HDAC9: variants seen among roughly 807,000 people sequenced by gnomAD.
HDAC9 encodes the protein histone deacetylase 9.
Under a neutral mutation model 139.4 loss-of-function variants are expected in HDAC9, and 41 were observed. That is an observed-to-expected ratio of 0.29 (90% CI 0.23 to 0.38). The LOEUF (loss-of-function observed/expected upper bound fraction) is 0.38. Among genes scored for constraint, HDAC9 ranks in the 10% least tolerant of loss-of-function variants. The pLI is 1.00. For missense variants in HDAC9, 1,147 were observed against 1,297.0 expected (o/e 0.88, Z 1.78); for synonymous variants, 517 against 476.2 (o/e 1.09, Z -1.12).
At chr7:18,880,574 T>G (rs1248657828) in intron 22 of HDAC9, among the ~76,000 whole-genome samples, 1 of 152,148 alleles carries the variant, frequency 6.6e-6, no homozygotes, top group African/African-American at 2.4e-5. Context: ...ATACTGTGTG[T>G]TCTCACTTTC....
At chr7:18,828,609 T>G (rs1795628620) in intron 17 of HDAC9, among the ~76,000 whole-genome samples, 1 of 152,188 alleles carries the variant, frequency 6.6e-6, no homozygotes, top group Non-Finnish European at 1.5e-5. Flanking sequence ...CTGGAAGAAA[T>G]ATGGGCTTTC....
intron 1 of HDAC9, among the ~76,000 whole-genome samples, chr7:18,130,702 C>T (rs1784947247): frequency 1.3e-5 from 2 of 152,054 alleles, no homozygotes; most frequent in South Asian, 4.1e-4. Flanking sequence ...GTACTTTTTC[C>T]CCATTTATCT....
At chr7:18,353,295 T>G (rs936162547) in intron 1 of HDAC9, among the ~76,000 whole-genome samples, 2 of 152,048 alleles carry the variant, frequency 1.3e-5, no homozygotes, top group African/African-American at 4.8e-5. Flanking sequence ...GCAAGCTGTT[T>G]GAGAGCTTTC....
chr7:18,668,164 C>T (rs1429122419), intron 12 of HDAC9: 4 of 853,298 alleles, frequency 4.7e-6, no homozygotes, highest in Non-Finnish European at 4.2e-6. Flanking sequence ...TTTAAAAAGT[C>T]TCCATTCAAA....
chr7:18,303,704 G>C (rs1798722945), intron 1 of HDAC9, among the ~76,000 whole-genome samples: 1 of 152,166 alleles, frequency 6.6e-6, no homozygotes, highest in South Asian at 2.1e-4. Context: ...GTTCCCATTT[G>C]AGATAGGTGT....
At chr7:18,979,976 TAGC>T (rs1206039088) in intron 25 of HDAC9, among the ~76,000 whole-genome samples, 1 of 152,190 alleles carries the variant, frequency 6.6e-6, no homozygotes, top group Non-Finnish European at 1.5e-5. Flanking sequence ...CAAACTATAT[TAGC>T]AGGCAAATTT....
intron 1 of HDAC9, among the ~76,000 whole-genome samples, chr7:18,421,577 T>C (rs766101063): frequency 3.3e-4 from 50 of 152,202 alleles, no homozygotes; most frequent in Non-Finnish European, 6.3e-4. Context: ...AGGGAACTTT[T>C]TCCCAAATGA....
rs760861605 is a variant in HDAC9 at position 18,451,401 on chromosome 7, G to GTGTGTGTGTA, written c.-41-44860_-41-44859insGTGTGTGTAT. ...TGTGTGTGTGTGTGTGTGTGTGTGT[G>GTGTGTGTGTA]TATATATGTGTGTGTGTGTGTATAT... On this transcript the variant is annotated intron_variant, in intron 1 of 3. Coordinates refer to the HDAC9 transcript ENST00000413509. 6.2e-3 allele frequency among the ~76,000 whole-genome samples: 833 copies of GTGTGTGTGTA among 135,236 alleles called. 12 individuals carry two copies. Among genetic ancestry groups the GTGTGTGTGTA allele is most frequent in the Middle Eastern group, 0.015 (4 of 264 alleles). 88.7% of individuals were successfully genotyped at this position (135,236 alleles called of 152,430 possible).
intron 12 of HDAC9, among the ~76,000 whole-genome samples, chr7:18,671,798 T>G (rs1402130425): frequency 2.6e-5 from 4 of 152,160 alleles, no homozygotes; most frequent in Non-Finnish European, 5.9e-5. Context: ...ATTGTGGATA[T>G]TTCATATAAA....
intron 21 of HDAC9, among the ~76,000 whole-genome samples, chr7:18,862,389 CAT>C (rs1399643272): frequency 6.6e-6 from 1 of 152,166 alleles, no homozygotes; most frequent in Admixed American, 6.5e-5. Context: ...CCCCCAGTCT[CAT>C]ATAATAGTTG....
In HDAC9 at chr7:18,990,753, C is replaced by T. The variant is rs13241772; in HGVS notation, c.3171-5270C>T. On this transcript the variant is annotated intron_variant, in intron 25 of 25. Transcript: ENST00000686413. ...ATGTGCGGGATATAATCTCCTGGTG[C>T]GCCGTTTTTTAAGCCCGTAGGAAAA... Among the ~76,000 whole-genome samples, 734 of 152,322 alleles carry T rather than the reference C, an allele frequency of 4.8e-3. 4 individuals are homozygous for T. Among genetic ancestry groups the T allele is most frequent in the African/African-American group, 0.015 (606 of 41,576 alleles).
chr7:18,971,766 A>T (rs1388665258), intron 24 of HDAC9, among the ~76,000 whole-genome samples: 2 of 152,246 alleles, frequency 1.3e-5, no homozygotes, highest in Non-Finnish European at 2.9e-5. Context: ...AAACTCATAC[A>T]TGTGGATAAA....
At chr7:18,852,048 A>G (rs1797337863) in intron 21 of HDAC9, among the ~76,000 whole-genome samples, 1 of 152,214 alleles carries the variant, frequency 6.6e-6, no homozygotes, top group Non-Finnish European at 1.5e-5. Context: ...TGAGGGGTGC[A>G]GAAATGGTAC....
intron 12 of HDAC9, among the ~76,000 whole-genome samples, chr7:18,673,890 A>C (rs1383180984): frequency 1.3e-5 from 2 of 152,058 alleles, no homozygotes; most frequent in Non-Finnish European, 2.9e-5. Flanking sequence ...TTTACCTTAA[A>C]GACAACCGAA....
chr7:18,879,212 A>G (rs1326837320), intron 22 of HDAC9, among the ~76,000 whole-genome samples: 1 of 152,212 alleles, frequency 6.6e-6, no homozygotes, highest in Non-Finnish European at 1.5e-5. Flanking sequence ...AAGAATCAAT[A>G]TAATTAAAAT....
chr7:18,110,966 AT>A (rs913868431), intron 1 of HDAC9, among the ~76,000 whole-genome samples: 1 of 152,164 alleles, frequency 6.6e-6, no homozygotes, highest in Non-Finnish European at 1.5e-5. Context: ...AGAGAAACAC[AT>A]TTTAAGGGAC....
At chr7:18,409,463 AG>A (rs2128742906) in intron 1 of HDAC9, among the ~76,000 whole-genome samples, 2 of 152,296 alleles carry the variant, frequency 1.3e-5, no homozygotes, top group Admixed American at 1.3e-4. Context: ...CAAGCATAGA[AG>A]AAAATAATTA....
intron 1 of HDAC9, among the ~76,000 whole-genome samples, chr7:18,404,796 A>T (rs61549860): frequency 0.17 from 25,903 of 152,238 alleles, 2,784 homozygotes; most frequent in East Asian, 0.35. Context: ...TTCTAATATT[A>T]ACTATTGAAA....
intron 2 of HDAC9, among the ~76,000 whole-genome samples, chr7:18,180,900 A>G (rs547660711): frequency 3.8e-4 from 58 of 152,268 alleles, no homozygotes; most frequent in Admixed American, 1.2e-3. Context: ...TATCTCTTCT[A>G]GCATCTGGTG....
Sources: gnomAD v4.1 joint callset for allele counts (sites outside exome capture counted in the v4.1 genomes callset) on GRCh38, gnomAD v4.1.1 for gene constraint, MANE v1.5 for transcripts, NCBI Gene and HGNC (gene_info 2026-07-23, HGNC 2026-07-21) for gene names.